The following GPR176 variants were observed in gnomAD, a reference collection of about 807,000 sequenced individuals.
GPR176 encodes G-protein coupled receptor 176.
Under a neutral mutation model 35.4 loss-of-function variants are expected in GPR176, and 26 were observed. The observed-to-expected ratio is 0.74, with a 90% CI of 0.54 to 1.02. The LOEUF (loss-of-function observed/expected upper bound fraction) is 1.02, where lower values mean the gene tolerates loss of function less well. Among genes scored for constraint, GPR176 ranks in the 50% least tolerant of loss-of-function variants. The pLI is 0.00. For missense variants in GPR176, 597 were observed against 665.3 expected, an observed-to-expected ratio of 0.90 and a Z score of 1.13; for synonymous variants, 278 against 271.3, an observed-to-expected ratio of 1.02 and a Z score of -0.24.
chr15:39,881,522 G>T (rs948104096), intron 1 of GPR176, among the ~76,000 whole-genome samples: 2 of 152,174 alleles, frequency 1.3e-5, no homozygotes, highest in African/African-American at 4.8e-5. Context: ...ATGCAAAACT[G>T]ATTAGGATTT....
In GPR176 at chr15:39,799,959, T is replaced by C. The variant is rs1270597745; in HGVS notation, c.*1173A>G. 2 of 152,190 alleles carry C rather than the reference T, an allele frequency of 1.3e-5. No individual in the cohort carries two copies. Among genetic ancestry groups the C allele is most frequent in the African/African-American group, 4.8e-5 (2 of 41,446 alleles). The allele number at this position is 152,190 out of a possible 1,614,324, so 9.4% of individuals were successfully genotyped here. ...ACAATGATTATTTCTCCCTGTTCTG[T>C]TCCTCCTCTGTGTCCAAAATTAAGA... On this transcript the variant is annotated 3_prime_UTR_variant, in exon 3 of 3. Transcript: ENST00000561100.
rs1278626031 is a variant in GPR176, at chr15:39,919,963, C to T, written c.64G>A (p.Glu22Lys). The stretch of plus-strand genomic sequence containing the variant: ...GCGCTGCGGTTCACACCCGCAGCCT[C>T]GGCGCCGGACGCGTTGTGCGGCTCG... The part of the protein sequence containing the change: ...ASEPHNASGA[E>K]AAGVNRSALG... Residue 22 changes from glutamate (E) to lysine (K), a missense_variant, in exon 1 of 3, where the codon GAG becomes AAG. Physicochemically the swap from Glu to Lys is moderately conservative, Grantham distance 56. Around this residue, in one of 3 missense-constraint regions of GPR176, gnomAD observed 126 missense variants for 112.4 expected, o/e 1.12. Coordinates refer to ENST00000561100, the MANE Select transcript of GPR176 (RefSeq NM_007223.3). 3 of 1,482,170 alleles carry T rather than the reference C, an allele frequency of 2.0e-6. No homozygotes were observed. Among genetic ancestry groups the T allele is most frequent in the Admixed American group, 2.5e-5 (1 of 39,652 alleles). 91.8% of individuals were successfully genotyped at this position (1,482,170 alleles called of 1,614,324 possible).
intron 1 of GPR176, among the ~76,000 whole-genome samples, chr15:39,818,292 G>C (rs185353848): frequency 1.7e-4 from 26 of 152,362 alleles, no homozygotes; most frequent in Middle Eastern, 3.4e-3. Context: ...TTTGATTCCA[G>C]AGGATTTTTT....
rs74008887 is a variant in GPR176 at position 39,808,156 on chromosome 15, A to G, written c.173-898T>C. On this transcript the variant is annotated intron_variant, in intron 1 of 2. Transcript: ENST00000561100. ...CCTACGTTAGACTACCCATTCTGGT[A>G]ATTTTCCATCAAAATGCTGATGACT... Among the ~76,000 whole-genome samples the G allele has an allele frequency of 4.6e-3, 700 of 152,320 alleles. 1 individual carries two copies. The highest frequency in any genetic ancestry group is 0.014 in the Middle Eastern group (4 of 294).
At chr15:39,852,456 A>T (rs1418443146) in intron 1 of GPR176, among the ~76,000 whole-genome samples, 2 of 152,212 alleles carry the variant, frequency 1.3e-5, no homozygotes, top group Admixed American at 1.3e-4. Context: ...TCCTTACACA[A>T]GAGCTAAGAT....
At chr15:39,868,719 G>A (rs141916806) in intron 1 of GPR176, among the ~76,000 whole-genome samples, 3 of 152,164 alleles carry the variant, frequency 2.0e-5, no homozygotes, top group African/African-American at 4.8e-5. Flanking sequence ...TTAACCCAGC[G>A]GTTACAATGA....
chr15:39,854,364 G>T (rs2031068994), intron 1 of GPR176, among the ~76,000 whole-genome samples: 1 of 152,080 alleles, frequency 6.6e-6, no homozygotes. Context: ...CCAAAATGGT[G>T]TCCAGGGCCT....
chr15:39,915,976 T>C (rs1263795389), intron 1 of GPR176, among the ~76,000 whole-genome samples: 1 of 152,248 alleles, frequency 6.6e-6, no homozygotes, highest in Admixed American at 6.5e-5. Flanking sequence ...AGCAAATTCA[T>C]TTATAAAAAT....
At chr15:39,849,584 C>T (rs2030708615) in intron 1 of GPR176, among the ~76,000 whole-genome samples, 1 of 152,160 alleles carries the variant, frequency 6.6e-6, no homozygotes, top group Non-Finnish European at 1.5e-5. Flanking sequence ...CATTCCCAAG[C>T]CTGCTTTCAA....
chr15:39,898,122 CT>C (rs1314373704), intron 1 of GPR176, among the ~76,000 whole-genome samples: 1 of 152,178 alleles, frequency 6.6e-6, no homozygotes, highest in African/African-American at 2.4e-5. Context: ...TATTTTATTG[CT>C]TCATTTTCAT....
At chr15:39,880,055 A>G (rs776103744) in intron 1 of GPR176, among the ~76,000 whole-genome samples, 2 of 152,212 alleles carry the variant, frequency 1.3e-5, no homozygotes, top group African/African-American at 2.4e-5. Flanking sequence ...TCATGCACAC[A>G]GTGAACACCT....
chr15:39,817,667 A>T (rs1232429231), intron 1 of GPR176, among the ~76,000 whole-genome samples: 2 of 152,198 alleles, frequency 1.3e-5, no homozygotes, highest in African/African-American at 4.8e-5. Context: ...CCCAAGCAAA[A>T]CCTCCAAAGA....
chr15:39,892,908 G>A (rs1230464560), intron 1 of GPR176, among the ~76,000 whole-genome samples: 2 of 152,182 alleles, frequency 1.3e-5, no homozygotes, highest in Admixed American at 6.5e-5. Context: ...AAACTAATGC[G>A]GCCAAGCTCT....
chr15:39,854,011 A>G (rs2031044781), intron 1 of GPR176, among the ~76,000 whole-genome samples: 1 of 152,148 alleles, frequency 6.6e-6, no homozygotes, highest in South Asian at 2.1e-4. Flanking sequence ...CAGTAAACTG[A>G]GGTCAAGTTG....
In GPR176 at chr15:39,801,363, A is replaced by G. The variant is rs111962631; in HGVS notation, c.1317T>C (p.Pro439=). The change falls in exon 3 of 3, where the codon CCT becomes CCC. Residue 439 remains proline (P), a synonymous_variant. Transcript: ENST00000561100. The part of the protein sequence containing the change: ...DSVSQVAPAA[P]VEPETFPDKY... The stretch of plus-strand genomic sequence containing the variant: ...TATCAGGGAATGTTTCAGGTTCCAC[A>G]GGGGCTGCCGGTGCCACCTGGGATA... 99 of 1,614,168 alleles carry G rather than the reference A, an allele frequency of 6.1e-5. No homozygotes were observed. In the African/African-American group the frequency reaches 7.5e-4, roughly 12 times the overall value.
intron 1 of GPR176, among the ~76,000 whole-genome samples, chr15:39,865,345 T>C (rs1013444671): frequency 2.0e-5 from 3 of 152,170 alleles, no homozygotes; most frequent in Admixed American, 6.5e-5. Context: ...GTTACATATA[T>C]ACACAATGGA....
chr15:39,859,904 T>C (rs2031483578), intron 1 of GPR176, among the ~76,000 whole-genome samples: 2 of 151,976 alleles, frequency 1.3e-5, no homozygotes, highest in Admixed American at 1.3e-4. Flanking sequence ...GTGCATATAA[T>C]TAACACTACT....
At chr15:39,908,137 C>A (rs999300663) in intron 1 of GPR176, among the ~76,000 whole-genome samples, 9 of 152,220 alleles carry the variant, frequency 5.9e-5, no homozygotes, top group Non-Finnish European at 1.3e-4. Context: ...CATCCATGAA[C>A]CTTTGCCAGT....
At position 39,862,614 on chromosome 15, in the gene GPR176, T is replaced by C. The variant is rs76571297; in HGVS notation, c.173-55356A>G. 6.9e-3 allele frequency among the ~76,000 whole-genome samples: 1,050 copies of C among 152,324 alleles called. 16 individuals carry two copies. Among genetic ancestry groups the C allele is most frequent in the African/African-American group, 0.023 (967 of 41,566 alleles). On this transcript the variant is annotated intron_variant, in intron 1 of 2. Transcript: ENST00000561100. ...GTTATAATAGAGCTAAAAAAATGTC[T>C]ATCACCTAGTGGTCTAGTGACATCA...
Sources: gnomAD v4.1 joint callset for allele counts (sites outside exome capture counted in the v4.1 genomes callset) on GRCh38, gnomAD v4.1.1 for gene constraint, gnomAD v4.1.1 regional missense constraint, MANE v1.5 for transcripts, NCBI Gene and HGNC (gene_info 2026-07-23, HGNC 2026-07-21) for gene names.